The following PTPRD variants were observed in gnomAD, a reference collection of about 807,000 sequenced individuals.
PTPRD encodes the protein protein tyrosine phosphatase receptor type D.
PTPRD carries 34 observed loss-of-function variants against 214.5 expected under a neutral mutation model. That is an observed-to-expected ratio of 0.16 (90% CI 0.12 to 0.21). PTPRD has a LOEUF of 0.21. Among genes scored for constraint, PTPRD ranks in the 10% least tolerant of loss-of-function variants. The probability of loss-of-function intolerance (pLI) is 1.00; values close to 1 mark genes in which losing one functional copy is unlikely to be tolerated. For synonymous variants in PTPRD, 1,128 were observed against 845.7 expected (o/e 1.33, Z -5.79); for missense variants, 2,545 against 2,398.7 (o/e 1.06, Z -1.27).
chr9:10,422,724 T>C (rs1299621322), intron 2 of PTPRD, among the ~76,000 whole-genome samples: 1 of 152,080 alleles, frequency 6.6e-6, no homozygotes, highest in Non-Finnish European at 1.5e-5. Flanking sequence ...TCACTGGCCA[T>C]CAGAGAAATG....
intron 5 of PTPRD, among the ~76,000 whole-genome samples, chr9:9,910,340 T>A (rs1340258518): frequency 6.6e-6 from 1 of 152,014 alleles, no homozygotes; most frequent in East Asian, 1.9e-4. Flanking sequence ...TCATGATACA[T>A]GTGTGCAATC....
intron 3 of PTPRD, among the ~76,000 whole-genome samples, chr9:10,219,811 T>C (rs2099558259): frequency 6.6e-6 from 1 of 151,660 alleles, no homozygotes; most frequent in African/African-American, 2.4e-5. Context: ...TCACTACCCT[T>C]GTTTTACTAT....
intron 10 of PTPRD, among the ~76,000 whole-genome samples, chr9:9,128,037 A>G (rs772538670): frequency 8.5e-5 from 13 of 152,092 alleles, no homozygotes; most frequent in Non-Finnish European, 1.6e-4. Flanking sequence ...AAATTCATAA[A>G]CTTACCAATA....
intron 2 of PTPRD, among the ~76,000 whole-genome samples, chr9:10,373,076 G>T (rs924416696): frequency 1.3e-5 from 2 of 149,950 alleles, no homozygotes; most frequent in African/African-American, 4.9e-5. Context: ...CAAGTGATCC[G>T]CCAGCCTTGG....
intron 9 of PTPRD, among the ~76,000 whole-genome samples, chr9:9,348,705 A>T (rs779199630): frequency 4.6e-5 from 7 of 152,082 alleles, no homozygotes; most frequent in Non-Finnish European, 1.0e-4. Flanking sequence ...TGGCATCTTC[A>T]CCTACTCTCA....
chr9:9,305,447 T>C (rs1176248098), intron 9 of PTPRD, among the ~76,000 whole-genome samples: 1 of 152,144 alleles, frequency 6.6e-6, no homozygotes, highest in Non-Finnish European at 1.5e-5. Context: ...AGGTAACCTA[T>C]CTATGCTGCA....
At chr9:9,675,478 AC>A (rs889914308) in intron 7 of PTPRD, among the ~76,000 whole-genome samples, 5 of 151,770 alleles carry the variant, frequency 3.3e-5, no homozygotes, top group Admixed American at 3.3e-4. Flanking sequence ...TATGATAAAT[AC>A]AAGAAATTAT....
At chr9:8,547,233 C>G (rs577979590) in intron 14 of PTPRD, among the ~76,000 whole-genome samples, 144 of 152,076 alleles carry the variant, frequency 9.5e-4, no homozygotes, top group Admixed American at 2.6e-3. Flanking sequence ...TTAAAGTCAC[C>G]CAAAGTTATG....
chr9:8,968,399 C>A (rs2099213459), intron 11 of PTPRD, among the ~76,000 whole-genome samples: 1 of 151,780 alleles, frequency 6.6e-6, no homozygotes, highest in Non-Finnish European at 1.5e-5. Flanking sequence ...TATTTCTCCA[C>A]ATCCTCTCCA....
chr9:8,653,616 A>T (rs1202563556), intron 12 of PTPRD, among the ~76,000 whole-genome samples: 1 of 152,082 alleles, frequency 6.6e-6, no homozygotes, highest in Non-Finnish European at 1.5e-5. Context: ...CAAATTCATG[A>T]TCTACAGCCT....
At chr9:9,286,833 T>C (rs1336273195) in intron 9 of PTPRD, among the ~76,000 whole-genome samples, 1 of 133,554 alleles carries the variant, frequency 7.5e-6, no homozygotes, top group Non-Finnish European at 1.6e-5. Context: ...AAAAAATGAA[T>C]GAGTAAACAG....
At chr9:10,501,210 C>A (rs1324569230) in intron 2 of PTPRD, among the ~76,000 whole-genome samples, 1 of 151,900 alleles carries the variant, frequency 6.6e-6, no homozygotes, top group African/African-American at 2.4e-5. Flanking sequence ...TCACTGGTGC[C>A]TATCTTTGGG....
At chr9:9,269,979 T>A (rs1942124935) in intron 9 of PTPRD, among the ~76,000 whole-genome samples, 1 of 150,140 alleles carries the variant, frequency 6.7e-6, no homozygotes, top group Admixed American at 6.7e-5. Context: ...ATAATATTAA[T>A]TAATAAAATT....
At chr9:9,890,649 C>A (rs2072976174) in intron 5 of PTPRD, among the ~76,000 whole-genome samples, 1 of 151,836 alleles carries the variant, frequency 6.6e-6, no homozygotes, top group African/African-American at 2.4e-5. Context: ...AATGAATGAC[C>A]CCCAAAACAA....
intron 4 of PTPRD, among the ~76,000 whole-genome samples, chr9:9,980,773 G>A (rs1207365619): frequency 1.3e-5 from 2 of 151,368 alleles, no homozygotes; most frequent in African/African-American, 4.9e-5. Context: ...CAACAAGGTC[G>A]CAAAAAAGCC....
chr9:10,533,809 T>C (rs1428109652), intron 2 of PTPRD, among the ~76,000 whole-genome samples: 2 of 151,836 alleles, frequency 1.3e-5, no homozygotes, highest in East Asian at 3.9e-4. Flanking sequence ...CCATATTTCA[T>C]GCATACTTTC....
chr9:8,515,316 A>T (rs973048811), intron 21 of PTPRD, among the ~76,000 whole-genome samples: 3 of 152,210 alleles, frequency 2.0e-5, no homozygotes, highest in African/African-American at 7.2e-5. Context: ...TTCATAGTAT[A>T]GTGTCCTCCA....
chr9:9,195,102 A>ATATATATATATATG (rs2099937638), intron 9 of PTPRD, among the ~76,000 whole-genome samples: 1 of 143,224 alleles, frequency 7.0e-6, no homozygotes, highest in South Asian at 2.4e-4. Flanking sequence ...ATATATATAT[A>ATATATATATATATG]TATATACACA....
intron 11 of PTPRD, among the ~76,000 whole-genome samples, chr9:8,965,616 G>C (rs2099188892): frequency 6.6e-6 from 1 of 152,064 alleles, no homozygotes; most frequent in East Asian, 1.9e-4. Context: ...GCTGTTGTTG[G>C]TTTAAAGTAA....
Sources: gnomAD v4.1 joint callset for allele counts (sites outside exome capture counted in the v4.1 genomes callset) on GRCh38, gnomAD v4.1.1 for gene constraint, MANE v1.5 for transcripts, NCBI Gene and HGNC (gene_info 2026-07-23, HGNC 2026-07-21) for gene names.